The following MAP2K5 variants were observed in gnomAD, a reference collection of about 807,000 sequenced individuals.
The protein encoded by MAP2K5 is dual specificity mitogen-activated protein kinase kinase 5.
Under a neutral mutation model 83.1 loss-of-function variants are expected in MAP2K5, and 49 were observed. That is an observed-to-expected ratio of 0.59 (90% CI 0.47 to 0.75). MAP2K5 has a LOEUF of 0.75. Among genes scored for constraint, MAP2K5 ranks in the 30% least tolerant of loss-of-function variants. MAP2K5 has a pLI of 0.00. For missense variants in MAP2K5, 457 were observed against 557.5 expected, an observed-to-expected ratio of 0.82 and a Z score of 1.82; for synonymous variants, 202 against 191.8, an observed-to-expected ratio of 1.05 and a Z score of -0.44.
chr15:67,603,485 TC>T (rs780154560), intron 8 of MAP2K5, among the ~76,000 whole-genome samples: 1 of 152,214 alleles, frequency 6.6e-6, no homozygotes, highest in Non-Finnish European at 1.5e-5. Flanking sequence ...AATGACAGTA[TC>T]CTGATAATTT....
chr15:67,737,711 A>T (rs1044569117), intron 17 of MAP2K5, among the ~76,000 whole-genome samples: 1 of 152,128 alleles, frequency 6.6e-6, no homozygotes, highest in Non-Finnish European at 1.5e-5. Context: ...CCAAGGTGTC[A>T]TCTCCAAGGA....
intron 13 of MAP2K5, among the ~76,000 whole-genome samples, chr15:67,671,048 G>A (rs2141166118): frequency 6.6e-6 from 1 of 152,334 alleles, no homozygotes; most frequent in Admixed American, 6.5e-5. Flanking sequence ...GCCTCACTGG[G>A]TGACCCCAGA....
chr15:67,692,596 C>A, intron 14 of MAP2K5, 44 bp downstream of exon 14: 1 of 1,433,682 alleles, frequency 7.0e-7, no homozygotes, highest in Non-Finnish European at 9.8e-7. Context: ...TCTGCAACAA[C>A]CCCTTTATAT....
intron 11 of MAP2K5, among the ~76,000 whole-genome samples, chr15:67,653,488 G>T (rs1239294371): frequency 1.3e-5 from 2 of 151,964 alleles, no homozygotes; most frequent in Non-Finnish European, 1.5e-5. Flanking sequence ...TAGAGACAGG[G>T]TTTCTCCATG....
intron 21 of MAP2K5, among the ~76,000 whole-genome samples, chr15:67,803,408 GC>G (rs932028111): frequency 1.8e-4 from 27 of 152,294 alleles, no homozygotes; most frequent in African/African-American, 6.3e-4. Flanking sequence ...GATTTTGTTT[GC>G]TTGCTAAACT....
intron 13 of MAP2K5, chr15:67,670,388 G>A: frequency 4.4e-6 from 2 of 455,274 alleles, no homozygotes; most frequent in Non-Finnish European, 8.8e-6. Context: ...CTTGATTTTT[G>A]TGGTAGTTAC....
chr15:67,549,109 G>A, intron 1 of MAP2K5: 1 of 1,534,940 alleles, frequency 6.5e-7, no homozygotes, highest in Admixed American at 2.0e-5. Flanking sequence ...TTCTGCTGCA[G>A]CCTGGGAGGG....
At chr15:67,692,007 T>C (rs1251891498) in intron 13 of MAP2K5, among the ~76,000 whole-genome samples, 1 of 152,232 alleles carries the variant, frequency 6.6e-6, no homozygotes, top group Non-Finnish European at 1.5e-5. Flanking sequence ...AAATATGACC[T>C]GTTACCCGTA....
At chr15:67,696,841 TG>T (rs1464997809) in intron 15 of MAP2K5, among the ~76,000 whole-genome samples, 1 of 151,912 alleles carries the variant, frequency 6.6e-6, no homozygotes, top group African/African-American at 2.4e-5. Flanking sequence ...CAGCTGGGCG[TG>T]GTGGTGCATG....
At chr15:67,653,705 C>A (rs1245461905) in intron 11 of MAP2K5, among the ~76,000 whole-genome samples, 1 of 150,808 alleles carries the variant, frequency 6.6e-6, no homozygotes, top group African/African-American at 2.4e-5. Flanking sequence ...TTATTATTTT[C>A]TTTTTTTCTG....
At chr15:67,553,324 A>G (rs1199820530) in intron 2 of MAP2K5, among the ~76,000 whole-genome samples, 3 of 152,216 alleles carry the variant, frequency 2.0e-5, no homozygotes, top group African/African-American at 7.2e-5. Context: ...GTGTAAATAT[A>G]GATAAACCTC....
chr15:67,547,077 A>AACACACACAC (rs59269114), intron 1 of MAP2K5, among the ~76,000 whole-genome samples: 18,286 of 143,920 alleles, frequency 0.13, 1,420 homozygotes, highest in East Asian at 0.34. Context: ...AAAAGAAGAA[A>AACACACACAC]ACACACACAC....
rs537283948 is a variant in MAP2K5, at chr15:67,779,775, A to G, written c.1242+7023A>G. On this transcript the variant is annotated intron_variant, in intron 21 of 21. Transcript: ENST00000178640. The surrounding 1 kb of genome is among the most constrained non-coding windows in gnomAD (Gnocchi z 4.6). ...GTTTCAAGGCACAGTGAAGCTGTGTAGCATTCATTGAGCACAGGAAGAGTT... is the reference window on the plus strand; with the variant it reads ...GTTTCAAGGCACAGTGAAGCTGTGTGGCATTCATTGAGCACAGGAAGAGTT... Among the ~76,000 whole-genome samples, 1 of 152,326 alleles carries G rather than the reference A, an allele frequency of 6.6e-6. No homozygotes were observed. The highest frequency in any genetic ancestry group is 6.5e-5 in the Admixed American group (1 of 15,304).
intron 13 of MAP2K5, among the ~76,000 whole-genome samples, chr15:67,687,413 G>C (rs1384365848): frequency 6.6e-6 from 1 of 152,118 alleles, no homozygotes; most frequent in Admixed American, 6.5e-5. Context: ...CCCCCACTTA[G>C]AATATACATA....
Position 67,693,515 on chromosome 15 carries a change from T to C in MAP2K5, c.922-3T>C. ...TGTTCTAACAGACTGTTTTGTCTCA[T>C]AGCTGGTGAATTCTATAGCCAAGAC... On this transcript the variant is annotated splice_polypyrimidine_tract_variant and splice_region_variant and intron_variant, in intron 14 of 21. Transcript: ENST00000178640. 6.2e-7 allele frequency: 1 copy of C among 1,609,998 alleles called. No individual in the cohort carries two copies. The highest frequency in any genetic ancestry group is 8.5e-7 in the Non-Finnish European group (1 of 1,177,272).
chr15:67,776,698 G>A (rs933518491), intron 21 of MAP2K5, among the ~76,000 whole-genome samples: 2 of 152,104 alleles, frequency 1.3e-5, no homozygotes, highest in East Asian at 3.8e-4. Flanking sequence ...TAAATAAAAG[G>A]GGTATGTGAG....
chr15:67,693,846 A>G (rs982788877), intron 15 of MAP2K5, among the ~76,000 whole-genome samples: 9 of 152,202 alleles, frequency 5.9e-5, no homozygotes, highest in African/African-American at 2.2e-4. Flanking sequence ...TTCACCTTGT[A>G]GCATACTGGC....
chr15:67,714,583 C>T (rs62016230), intron 16 of MAP2K5, among the ~76,000 whole-genome samples: 2,140 of 152,120 alleles, frequency 0.014, 34 homozygotes, highest in Non-Finnish European at 0.019. Flanking sequence ...AAGCAGCTGC[C>T]GTCAACTTTT....
rs897644032 is a variant in MAP2K5, at chr15:67,708,146, T to C, written c.1044+4738T>C. ...GTCTGGGCAACATAGCAAGACTCCATCTCTAAAAAAACAATTTTTTTTTTC... is the reference window on the plus strand; with the variant it reads ...GTCTGGGCAACATAGCAAGACTCCACCTCTAAAAAAACAATTTTTTTTTTC... On this transcript the variant is annotated intron_variant, in intron 16 of 21. Coordinates refer to ENST00000178640, the MANE Select transcript of MAP2K5 (RefSeq NM_145160.3). The surrounding 1 kb of genome is among the most constrained non-coding windows in gnomAD (Gnocchi z 4.9). Among the ~76,000 whole-genome samples, 2 of 151,914 alleles carry C rather than the reference T, an allele frequency of 1.3e-5. No individual in the cohort carries two copies. Among genetic ancestry groups the C allele is most frequent in the Non-Finnish European group, 2.9e-5 (2 of 67,968 alleles).
Sources: gnomAD v4.1 joint callset for allele counts (sites outside exome capture counted in the v4.1 genomes callset) on GRCh38, gnomAD v4.1.1 for gene constraint, Gnocchi (gnomAD v3.1) non-coding constraint, MANE v1.5 for transcripts, NCBI Gene and HGNC (gene_info 2026-07-23, HGNC 2026-07-21) for gene names.